The following MATN2 variants were observed in gnomAD, a reference collection of about 807,000 sequenced individuals.
MATN2 encodes matrilin 2.
A neutral mutation model predicts 103.2 loss-of-function variants in MATN2; 69 were observed. That is an observed-to-expected ratio of 0.67 (90% CI 0.55 to 0.82). The LOEUF is 0.82. MATN2 is among the 40% of genes least tolerant of loss of function. The probability of loss-of-function intolerance (pLI) is 0.00; values close to 1 mark genes in which losing one functional copy is unlikely to be tolerated. For missense variants in MATN2, 1,023 were observed against 1,211.5 expected (o/e 0.84, Z 2.31); for synonymous variants, 429 against 450.2 (o/e 0.95, Z 0.60).
At chr8:98,025,514 G>A (rs1030250299) in intron 13 of MATN2, 2 of 239,458 alleles carry the variant, frequency 8.4e-6, no homozygotes, top group South Asian at 8.1e-5. Flanking sequence ...TTTGGAGGCC[G>A]AGGTGGGTGG....
chr8:97,913,871 T>C (rs1204933156), intron 2 of MATN2, among the ~76,000 whole-genome samples: 1 of 152,244 alleles, frequency 6.6e-6, no homozygotes, highest in African/African-American at 2.4e-5. Flanking sequence ...CGCCTTGGCC[T>C]TCTAAAGTGC....
At chr8:97,869,330 G>T (rs1355821348) in intron 1 of MATN2, 43 bp downstream of exon 1, 2 of 152,210 alleles carry the variant, frequency 1.3e-5, no homozygotes, top group African/African-American at 4.8e-5. Context: ...CGGCCGGGCG[G>T]CCTCGAAGTG....
At chr8:97,983,874 C>T (rs1190732367) in intron 6 of MATN2, among the ~76,000 whole-genome samples, 1 of 152,200 alleles carries the variant, frequency 6.6e-6, no homozygotes, top group African/African-American at 2.4e-5. Context: ...TGGACTAGAC[C>T]TCCTGACCTC....
intron 8 of MATN2, among the ~76,000 whole-genome samples, chr8:98,006,759 G>A (rs578208225): frequency 7.9e-4 from 120 of 152,324 alleles, no homozygotes; most frequent in African/African-American, 2.8e-3. Context: ...AGCCATTGGA[G>A]TTGTATGCTT....
rs542199923 is a variant in MATN2 at position 97,885,447 on chromosome 8, A to C, written c.-26-2628A>C. Among the ~76,000 whole-genome samples, 90 of 152,232 alleles carry C rather than the reference A, an allele frequency of 5.9e-4. No homozygotes were observed. The South Asian group carries it at 0.018, about 31-fold the overall frequency. On this transcript the variant is annotated intron_variant, in intron 1 of 18. Coordinates refer to ENST00000254898, the MANE Select transcript of MATN2 (RefSeq NM_002380.5). Reference sequence around the variant, plus strand: ...GTGAGTTATTGTGCCACTGCACTCCAGCCTAGATGACAGAGTGAGACCCTG... The same window carrying C: ...GTGAGTTATTGTGCCACTGCACTCCCGCCTAGATGACAGAGTGAGACCCTG...
rs545407500 is a variant in MATN2, at chr8:97,980,633, C to T, written c.1081+1625C>T. 2.5e-4 allele frequency among the ~76,000 whole-genome samples: 35 copies of T among 140,806 alleles called. No homozygotes were observed. In the South Asian group the frequency reaches 3.3e-3, roughly 13 times the overall value. The allele number at this position is 140,806 out of a possible 152,430, so 92.4% of individuals were successfully genotyped here. On this transcript the variant is annotated intron_variant, in intron 6 of 18. Coordinates refer to ENST00000254898, the MANE Select transcript of MATN2 (RefSeq NM_002380.5). The stretch of plus-strand genomic sequence containing the variant: ...AGGCTGGAGAGCAGTGATGTGATCT[C>T]GGCTCACTGCAACCTCCACCTCCTG...
intron 3 of MATN2, among the ~76,000 whole-genome samples, chr8:97,933,953 C>A (rs1467067931): frequency 6.6e-6 from 1 of 152,242 alleles, no homozygotes; most frequent in Non-Finnish European, 1.5e-5. Context: ...GCAGCACACT[C>A]TTGCCACTCT....
At chr8:98,028,382 C>G (rs1813889057) in intron 14 of MATN2, among the ~76,000 whole-genome samples, 1 of 152,158 alleles carries the variant, frequency 6.6e-6, no homozygotes, top group African/African-American at 2.4e-5. Flanking sequence ...GCTCTTGTTG[C>G]TCAGTAAAGC....
At chr8:97,889,350 C>G (rs772490852) in intron 2 of MATN2, among the ~76,000 whole-genome samples, 1 of 151,760 alleles carries the variant, frequency 6.6e-6, no homozygotes, top group Non-Finnish European at 1.5e-5. Context: ...ATGTAAACAA[C>G]ACTTTTGCAA....
At chr8:97,937,105 T>C (rs866899336) in intron 3 of MATN2, among the ~76,000 whole-genome samples, 21 of 152,270 alleles carry the variant, frequency 1.4e-4, no homozygotes, top group Middle Eastern at 6.8e-3. Context: ...TGTTCTCAGT[T>C]TGAGCCTCCT....
chr8:97,879,172 A>G (rs1172023213), intron 1 of MATN2, among the ~76,000 whole-genome samples: 1 of 152,186 alleles, frequency 6.6e-6, no homozygotes, highest in African/African-American at 2.4e-5. Flanking sequence ...CTCATTAGAA[A>G]ACCGAGAGAA....
chr8:97,904,195 C>A (rs909343806), intron 2 of MATN2, among the ~76,000 whole-genome samples: 1 of 152,188 alleles, frequency 6.6e-6, no homozygotes, highest in Non-Finnish European at 1.5e-5. Context: ...CCTTAAAGAG[C>A]TGGCAAATTT....
chr8:97,961,536 T>C lies in MATN2; in HGVS notation c.958+6T>C. On this transcript the variant is annotated splice_donor_region_variant and intron_variant, in intron 5 of 18. Transcript: ENST00000254898. ...GGATGGGAAGAGGTGTGTGGGTGAG[T>C]ATCCCTCCAGCTGGGCTTGGTAGGG... The C allele has an allele frequency of 6.2e-7, 1 of 1,608,500 alleles. No individual in the cohort carries two copies. The highest frequency in any genetic ancestry group is 1.1e-5 in the South Asian group (1 of 90,358).
intron 4 of MATN2, among the ~76,000 whole-genome samples, chr8:97,943,826 A>G (rs889949834): frequency 1.3e-5 from 2 of 152,282 alleles, no homozygotes; most frequent in East Asian, 3.9e-4. Context: ...GGGATCTGGG[A>G]ATCTGCTGAT....
intron 2 of MATN2, among the ~76,000 whole-genome samples, chr8:97,923,554 TC>T: frequency 8.4e-6 from 1 of 118,388 alleles, no homozygotes; most frequent in Non-Finnish European, 1.8e-5. Context: ...TCTCTCTCTC[TC>T]TCTGTCTCTC....
At chr8:97,973,350 A>G (rs990830809) in intron 5 of MATN2, among the ~76,000 whole-genome samples, 6 of 152,190 alleles carry the variant, frequency 3.9e-5, no homozygotes, top group African/African-American at 1.2e-4. Context: ...GAGAGTCAAG[A>G]TCCAGAGAAG....
chr8:98,016,396 C>CA (rs755299422), intron 10 of MATN2, 144 bp from the exon 11 acceptor site: 41 of 712,176 alleles, frequency 5.8e-5, no homozygotes, highest in Non-Finnish European at 9.2e-5. Flanking sequence ...TGCTCATAGA[C>CA]ATGCTTTATA....
chr8:97,887,058 A>G (rs1409587076), intron 1 of MATN2, among the ~76,000 whole-genome samples: 2 of 151,666 alleles, frequency 1.3e-5, no homozygotes, highest in African/African-American at 4.8e-5. Context: ...CACCTGGCTA[A>G]TTTTTGTATT....
intron 7 of MATN2, among the ~76,000 whole-genome samples, chr8:97,998,732 A>C (rs111923566): frequency 7.2e-6 from 1 of 138,158 alleles, no homozygotes; most frequent in Non-Finnish European, 1.6e-5. Flanking sequence ...GTATTTATTT[A>C]TTTTTTAAAA....
Sources: gnomAD v4.1 joint callset for allele counts (sites outside exome capture counted in the v4.1 genomes callset) on GRCh38, gnomAD v4.1.1 for gene constraint, MANE v1.5 for transcripts, NCBI Gene and HGNC (gene_info 2026-07-23, HGNC 2026-07-21) for gene names.